The following GRAMD1B variants were observed in gnomAD, a reference collection of about 807,000 sequenced individuals.
GRAMD1B encodes protein Aster-B.
A neutral mutation model predicts 99.7 loss-of-function variants in GRAMD1B; 37 were observed. The observed-to-expected ratio is 0.37, with a 90% CI of 0.29 to 0.49. The LOEUF (loss-of-function observed/expected upper bound fraction) is 0.49. Among genes scored for constraint, GRAMD1B ranks in the 20% least tolerant of loss-of-function variants. GRAMD1B has a pLI of 0.98. For synonymous variants in GRAMD1B, 427 were observed against 387.6 expected (o/e 1.10, Z -1.19); for missense variants, 888 against 1,009.2 (o/e 0.88, Z 1.63).
In GRAMD1B at chr11:123,597,524, T is replaced by C. The variant is rs528807580; in HGVS notation, c.969+1487T>C. 7.2e-5 allele frequency among the ~76,000 whole-genome samples: 11 copies of C among 152,192 alleles called. No individual in the cohort carries two copies. In the East Asian group the frequency reaches 2.1e-3, roughly 29 times the overall value. On this transcript the variant is annotated intron_variant, in intron 7 of 19. Coordinates refer to ENST00000635736, the MANE Select transcript of GRAMD1B (RefSeq NM_001387025.1). ...TGGCTAACTAAGCTGATGGCAGACC[T>C]CATCCTGGGGTAATACTCATTCAGG...
At chr11:123,410,653 G>A (rs998456931) in intron 1 of GRAMD1B, among the ~76,000 whole-genome samples, 1 of 152,062 alleles carries the variant, frequency 6.6e-6, no homozygotes, top group Non-Finnish European at 1.5e-5. Flanking sequence ...CTTCTTGAGA[G>A]CTGGAAGAGC....
At chr11:123,413,726 C>T (rs375704976) in intron 1 of GRAMD1B, among the ~76,000 whole-genome samples, 6 of 152,132 alleles carry the variant, frequency 3.9e-5, no homozygotes, top group African/African-American at 1.4e-4. Context: ...GTCCCACCCC[C>T]ACCCCAGCTT....
At chr11:123,474,717 C>G (rs1171494895) in intron 1 of GRAMD1B, among the ~76,000 whole-genome samples, 1 of 60,126 alleles carries the variant, frequency 1.7e-5, no homozygotes, top group Non-Finnish European at 3.1e-5. Flanking sequence ...ATATATTTCC[C>G]CATTTTTATT....
chr11:123,552,535 G>C (rs1945734313), intron 2 of GRAMD1B, among the ~76,000 whole-genome samples: 1 of 150,942 alleles, frequency 6.6e-6, no homozygotes, highest in Admixed American at 6.6e-5. Context: ...ACAGGTGTGA[G>C]CCACTGCGCT....
intron 1 of GRAMD1B, among the ~76,000 whole-genome samples, chr11:123,375,853 C>G (rs901635789): frequency 6.6e-6 from 1 of 152,170 alleles, no homozygotes; most frequent in African/African-American, 2.4e-5. Flanking sequence ...TTTTCGTGTA[C>G]TCATCTATTT....
chr11:123,513,887 C>T (rs958999869), intron 2 of GRAMD1B, among the ~76,000 whole-genome samples: 1 of 152,006 alleles, frequency 6.6e-6, no homozygotes, highest in Non-Finnish European at 1.5e-5. Context: ...AACTCCTGGG[C>T]TCAAGCAATT....
At chr11:123,548,719 C>T (rs74942521) in intron 2 of GRAMD1B, among the ~76,000 whole-genome samples, 1 of 152,090 alleles carries the variant, frequency 6.6e-6, no homozygotes. Context: ...GTGATCCTCC[C>T]GACTCTGCCT....
chr11:123,582,631 C>T (rs1024516686), intron 3 of GRAMD1B, among the ~76,000 whole-genome samples: 1 of 152,188 alleles, frequency 6.6e-6, no homozygotes, highest in Non-Finnish European at 1.5e-5. Context: ...CCACGCGAGG[C>T]CCCTCAGCCC....
chr11:123,364,039 C>A (rs1946236075), intron 1 of GRAMD1B, among the ~76,000 whole-genome samples: 1 of 151,810 alleles, frequency 6.6e-6, no homozygotes, highest in African/African-American at 2.4e-5. Context: ...GTTCAGAAGG[C>A]TTCTCACTGC....
intron 2 of GRAMD1B, among the ~76,000 whole-genome samples, chr11:123,533,589 G>T (rs1474214841): frequency 6.6e-6 from 1 of 151,990 alleles, no homozygotes; most frequent in Non-Finnish European, 1.5e-5. Flanking sequence ...ACCATGCCAG[G>T]TTAATTTTTG....
intron 1 of GRAMD1B, among the ~76,000 whole-genome samples, chr11:123,390,508 T>A (rs1016149361): frequency 5.9e-5 from 9 of 152,230 alleles, no homozygotes; most frequent in African/African-American, 2.2e-4. Flanking sequence ...TAAAAGAGTT[T>A]TTATCTTTGT....
At chr11:123,412,938 C>T (rs188333877) in intron 1 of GRAMD1B, among the ~76,000 whole-genome samples, 29 of 152,176 alleles carry the variant, frequency 1.9e-4, no homozygotes, top group African/African-American at 4.8e-4. Flanking sequence ...CATGTCATCA[C>T]GCCCGGCTAA....
At chr11:123,511,536 G>A (rs1941020703) in intron 2 of GRAMD1B, among the ~76,000 whole-genome samples, 1 of 152,120 alleles carries the variant, frequency 6.6e-6, no homozygotes, top group African/African-American at 2.4e-5. Context: ...GAGTAGATGG[G>A]GGCATCTAAG....
intron 1 of GRAMD1B, among the ~76,000 whole-genome samples, chr11:123,363,342 A>C (rs1483670874): frequency 6.6e-6 from 1 of 152,218 alleles, no homozygotes; most frequent in African/African-American, 2.4e-5. Context: ...GGGTGGCTGA[A>C]TATTTAGCAT....
At chr11:123,507,737 TA>T (rs1394969710) in intron 2 of GRAMD1B, among the ~76,000 whole-genome samples, 1 of 152,228 alleles carries the variant, frequency 6.6e-6, no homozygotes, top group Non-Finnish European at 1.5e-5. Context: ...CCTTAATGTT[TA>T]ATAATGCATT....
At chr11:123,617,562 C>G (rs1484340703) in intron 17 of GRAMD1B, among the ~76,000 whole-genome samples, 1 of 152,136 alleles carries the variant, frequency 6.6e-6, no homozygotes, top group Admixed American at 6.6e-5. Context: ...AAGAACTACC[C>G]TTTGTGTAGG....
At chr11:123,548,023 C>T (rs1263587132) in intron 2 of GRAMD1B, among the ~76,000 whole-genome samples, 4 of 151,876 alleles carry the variant, frequency 2.6e-5, no homozygotes, top group Non-Finnish European at 5.9e-5. Flanking sequence ...CAGGCTCCGG[C>T]ATCTGGGGTG....
chr11:123,452,990 C>T (rs1949956084), intron 1 of GRAMD1B, among the ~76,000 whole-genome samples: 1 of 152,138 alleles, frequency 6.6e-6, no homozygotes, highest in Non-Finnish European at 1.5e-5. Flanking sequence ...ACTTTCAGTG[C>T]ATTTTTCTGA....
intron 1 of GRAMD1B, among the ~76,000 whole-genome samples, chr11:123,411,748 A>G (rs1290247893): frequency 2.0e-5 from 3 of 152,000 alleles, no homozygotes; most frequent in Non-Finnish European, 4.4e-5. Flanking sequence ...CCAGGGCTTC[A>G]GTGATCCTCC....
Sources: allele counts gnomAD v4.1 joint callset (sites outside exome capture counted in the v4.1 genomes callset), GRCh38; gene constraint gnomAD v4.1.1; transcripts MANE v1.5; gene names NCBI Gene and HGNC (gene_info 2026-07-23, HGNC 2026-07-21).